ONECUT2: variants seen among roughly 807,000 people sequenced by gnomAD.
ONECUT2 encodes the protein one cut homeobox 2.
A neutral mutation model predicts 27.9 loss-of-function variants in ONECUT2; 10 were observed. The observed-to-expected ratio is 0.36, with a 90% CI of 0.22 to 0.61. The LOEUF (loss-of-function observed/expected upper bound fraction) is 0.61, where lower values mean the gene tolerates loss of function less well. ONECUT2 is among the 20% of genes least tolerant of loss of function. The pLI is 0.73. For missense variants in ONECUT2, 686 were observed against 721.0 expected, an observed-to-expected ratio of 0.95 and a Z score of 0.56; for synonymous variants, 334 against 315.1, an observed-to-expected ratio of 1.06 and a Z score of -0.64.
At chr18:57,453,825 A>G (rs1008071586) in intron 1 of ONECUT2, among the ~76,000 whole-genome samples, 7 of 152,194 alleles carry the variant, frequency 4.6e-5, no homozygotes, top group African/African-American at 1.4e-4. Flanking sequence ...TTGTCAGAAG[A>G]TGTATTCCTG....
chr18:57,484,991 G>C lies in ONECUT2; in HGVS notation c.*8268G>C, dbSNP rs1030383829. ...CATTAGTACATAGTCACATATGGTC[G>C]GTTGCTTCGTGAAGGTGGCCTGTCT... is the stretch of plus-strand genomic sequence containing the variant. On this transcript the variant is annotated 3_prime_UTR_variant, in exon 2 of 2. Transcript: ENST00000491143. 6.6e-6 allele frequency: 1 copy of C among 150,954 alleles called. No homozygotes were observed. The highest frequency in any genetic ancestry group is 1.5e-5 in the Non-Finnish European group (1 of 67,976). The allele number at this position is 150,954 out of a possible 1,614,324, so 9.4% of individuals were successfully genotyped here.
intron 1 of ONECUT2, among the ~76,000 whole-genome samples, chr18:57,461,315 C>T (rs2050289988): frequency 6.6e-6 from 1 of 152,196 alleles, no homozygotes; most frequent in Non-Finnish European, 1.5e-5. Flanking sequence ...TTCCACTAAA[C>T]TCATATGCCA....
Position 57,435,863 on chromosome 18 carries a change from G to GGGCGGC in ONECUT2, c.153_158dup (p.Gly53_Gly54dup), listed in dbSNP as rs1280487785. The stretch of plus-strand genomic sequence containing the variant: ...GCGGGGGCGGCGGCGGGGGCGGCGG[G>GGGCGGC]GGCGGCGGCGGGGGCCCGGGCCATG... On this transcript the variant is annotated inframe_insertion, in exon 1 of 2. Coordinates refer to ENST00000491143, the MANE Select transcript of ONECUT2 (RefSeq NM_004852.3). The GGGCGGC allele has an allele frequency of 9.9e-7, 1 of 1,009,238 alleles. No individual in the cohort carries two copies. Among genetic ancestry groups the GGGCGGC allele is most frequent in the Non-Finnish European group, 1.2e-6 (1 of 845,520 alleles). The allele number at this position is 1,009,238 out of a possible 1,614,324, so 62.5% of individuals were successfully genotyped here.
At chr18:57,444,848 C>T (rs1195078283) in intron 1 of ONECUT2, among the ~76,000 whole-genome samples, 1 of 151,910 alleles carries the variant, frequency 6.6e-6, no homozygotes, top group Non-Finnish European at 1.5e-5. Context: ...ATTAAGCCCA[C>T]ACTCCAAACC....
chr18:57,447,459 G>A (rs986578224), intron 1 of ONECUT2, among the ~76,000 whole-genome samples: 1 of 152,256 alleles, frequency 6.6e-6, no homozygotes, highest in Non-Finnish European at 1.5e-5. Context: ...CTCTCTGTGT[G>A]AGATCAGCGA....
intron 1 of ONECUT2, among the ~76,000 whole-genome samples, chr18:57,460,974 C>A (rs192783795): frequency 1.3e-5 from 2 of 152,318 alleles, no homozygotes; most frequent in East Asian, 1.9e-4. Context: ...TGAGCCACCA[C>A]GCCTGGACCC....
In ONECUT2 at chr18:57,435,523, G is replaced by A. The variant is rs1331706289; in HGVS notation, c.-194G>A. Among the ~76,000 whole-genome samples, 11 of 64,692 alleles carry A rather than the reference G, an allele frequency of 1.7e-4. No individual in the cohort carries two copies. In the South Asian group the frequency reaches 6.3e-3, roughly 37 times the overall value. 42.4% of individuals were successfully genotyped at this position (64,692 alleles called of 152,430 possible). A position where few individuals can be genotyped will look rare whatever the true frequency, so the allele number is the denominator to read the frequency against. On this transcript the variant is annotated 5_prime_UTR_variant, in exon 1 of 2. Coordinates refer to ENST00000491143, the MANE Select transcript of ONECUT2 (RefSeq NM_004852.3). ...GTCCCCTCCCCTCTCCCGCACGCAC[G>A]CCCCGTCCGCCCCCACCCCGCCCCC... is the stretch of plus-strand genomic sequence containing the variant.
At chr18:57,464,950 A>T (rs1238529346) in intron 1 of ONECUT2, among the ~76,000 whole-genome samples, 1 of 152,162 alleles carries the variant, frequency 6.6e-6, no homozygotes, top group Non-Finnish European at 1.5e-5. Flanking sequence ...TTTTCATAGA[A>T]GTTATTTTCA....
rs2050424499 is a variant in ONECUT2 at position 57,483,259 on chromosome 18, G to A, written c.*6536G>A. The A allele has an allele frequency of 6.6e-6, 1 of 152,602 alleles. No homozygotes were observed. The highest frequency in any genetic ancestry group is 1.5e-5 in the Non-Finnish European group (1 of 68,028). 9.5% of individuals were successfully genotyped at this position (152,602 alleles called of 1,614,324 possible). ...TCTTGGGGAGACTGCGTTAGCTAGT[G>A]GGGAGTGGTGATTTTTTTCATGCTT... is the stretch of plus-strand genomic sequence containing the variant. On this transcript the variant is annotated 3_prime_UTR_variant, in exon 2 of 2. Coordinates refer to ENST00000491143, the MANE Select transcript of ONECUT2 (RefSeq NM_004852.3).
chr18:57,478,830 G>A lies in ONECUT2; in HGVS notation c.*2107G>A, dbSNP rs949207818. 12 of 152,384 alleles carry A rather than the reference G, an allele frequency of 7.9e-5. No homozygotes were observed. Among genetic ancestry groups the A allele is most frequent in the Non-Finnish European group, 1.3e-4 (9 of 68,032 alleles). 9.4% of individuals were successfully genotyped at this position (152,384 alleles called of 1,614,324 possible). On this transcript the variant is annotated 3_prime_UTR_variant, in exon 2 of 2. Transcript: ENST00000491143. Reference sequence around the variant, plus strand: ...CTTGCCTGGCTAAAATACTAATAGCGCCATTGAACTGTATAAAGGTAATCA... The same window carrying A: ...CTTGCCTGGCTAAAATACTAATAGCACCATTGAACTGTATAAAGGTAATCA...
chr18:57,436,354 C>A lies in ONECUT2; in HGVS notation c.638C>A (p.Pro213His). The change falls in exon 1 of 2, where the codon CCC becomes CAC. Residue 213 changes from proline to histidine, a missense_variant. Transcript: ENST00000491143. The surrounding 1 kb of genome is among the most constrained non-coding windows in gnomAD (Gnocchi z 5.9). ...GLPAMNNLYS[P>H]YKEMPGMSQS... ...CCGGCCATGAACAACCTCTACAGTC[C>A]CTACAAGGAGATGCCCGGCATGAGC... 6.2e-7 allele frequency: 1 copy of A among 1,606,664 alleles called. No homozygotes were observed. The highest frequency in any genetic ancestry group is 1.1e-5 in the South Asian group (1 of 91,066).
intron 1 of ONECUT2, among the ~76,000 whole-genome samples, chr18:57,440,111 C>A (rs1202332670): frequency 1.3e-5 from 2 of 152,230 alleles, no homozygotes; most frequent in East Asian, 1.9e-4. Context: ...TCCAAATGCA[C>A]GGATTCGTTC....
chr18:57,476,854 G>A lies in ONECUT2; in HGVS notation c.*131G>A, dbSNP rs1217126502. The A allele has an allele frequency of 1.2e-5, 12 of 1,029,750 alleles. No homozygotes were observed. The highest frequency in any genetic ancestry group is 1.4e-5 in the Non-Finnish European group (10 of 721,708). The allele number at this position is 1,029,750 out of a possible 1,614,324, so 63.8% of individuals were successfully genotyped here. On this transcript the variant is annotated 3_prime_UTR_variant, in exon 2 of 2. Coordinates refer to ENST00000491143, the MANE Select transcript of ONECUT2 (RefSeq NM_004852.3). ...GGTGATTTGAAAGCACAATTCTCTT[G>A]CAAAGAAACTTATATTCTAGCTGTA...
Position 57,435,795 on chromosome 18 carries a change from G to C in ONECUT2, c.79G>C (p.Glu27Gln), listed in dbSNP as rs1347988126. The change falls in exon 1 of 2, where the codon GAA becomes CAA. Residue 27 changes from glutamate (E) to glutamine (Q), a missense_variant. Physicochemically the swap from Glu to Gln is conservative, Grantham distance 29. This residue lies in a region of ONECUT2 where 511 missense variants were observed against 488.1 expected (regional missense o/e 1.05). Coordinates refer to ENST00000491143, the MANE Select transcript of ONECUT2 (RefSeq NM_004852.3). ...GCAMNPELTM[E>Q]SLGTLHGPAG... ...CGCCATGAACCCGGAGCTGACAATG[G>C]AAAGTCTGGGCACTTTGCACGGGCC... The C allele has an allele frequency of 7.2e-6, 9 of 1,255,386 alleles. No individual in the cohort carries two copies. Among genetic ancestry groups the C allele is most frequent in the Non-Finnish European group, 8.3e-6 (8 of 965,324 alleles). 77.8% of individuals were successfully genotyped at this position (1,255,386 alleles called of 1,614,324 possible).
chr18:57,459,778 C>G (rs1345794867), intron 1 of ONECUT2, among the ~76,000 whole-genome samples: 1 of 152,054 alleles, frequency 6.6e-6, no homozygotes, highest in Non-Finnish European at 1.5e-5. Flanking sequence ...AGGCTGGTCT[C>G]GAACTTCTGA....
intron 1 of ONECUT2, among the ~76,000 whole-genome samples, chr18:57,469,042 C>A (rs2050339255): frequency 6.6e-6 from 1 of 152,162 alleles, no homozygotes; most frequent in South Asian, 2.1e-4. Flanking sequence ...CTGTAGGTTT[C>A]TCAGGGAACA....
At position 57,450,730 on chromosome 18, in the gene ONECUT2, T is replaced by C. The variant is rs2050225494; in HGVS notation, c.1228+13786T>C. Among the ~76,000 whole-genome samples the C allele has an allele frequency of 2.6e-5, 4 of 152,226 alleles. No individual in the cohort carries two copies. The South Asian group carries it at 8.3e-4, about 32-fold the overall frequency. The stretch of plus-strand genomic sequence containing the variant: ...ACTGCTTTCCTATTTTAAGTCATTT[T>C]AATTATCAGTAAACTAAACTTGCAT... On this transcript the variant is annotated intron_variant, in intron 1 of 1. Transcript: ENST00000491143.
rs2050390223 is a variant in ONECUT2 at position 57,477,461 on chromosome 18, A to T, written c.*738A>T. The T allele has an allele frequency of 6.6e-6, 1 of 152,616 alleles. No homozygotes were observed. The highest frequency in any genetic ancestry group is 2.1e-4 in the South Asian group (1 of 4,824). The allele number at this position is 152,616 out of a possible 1,614,324, so 9.5% of individuals were successfully genotyped here. ...ATATGGTCTTGGATCCGTCAAAAAAACCAGTCAGTTCACTTGCGCTCAAAG... is the reference window on the plus strand; with the variant it reads ...ATATGGTCTTGGATCCGTCAAAAAATCCAGTCAGTTCACTTGCGCTCAAAG... On this transcript the variant is annotated 3_prime_UTR_variant, in exon 2 of 2. Transcript: ENST00000491143.
At chr18:57,475,610 T>C (rs930108678) in intron 1 of ONECUT2, among the ~76,000 whole-genome samples, 1 of 151,286 alleles carries the variant, frequency 6.6e-6, no homozygotes, top group African/African-American at 2.4e-5. Flanking sequence ...AAGGGAGAGG[T>C]CGTGACACAT....
Sources: allele counts gnomAD v4.1 joint callset (sites outside exome capture counted in the v4.1 genomes callset), GRCh38; gene constraint gnomAD v4.1.1; regional missense constraint gnomAD v4.1.1; non-coding constraint Gnocchi (gnomAD v3.1); transcripts MANE v1.5; gene names NCBI Gene and HGNC (gene_info 2026-07-23, HGNC 2026-07-21).